The following ANK2 variants were observed in gnomAD, a reference collection of about 807,000 sequenced individuals.
ANK2 encodes ankyrin 2.
Under a neutral mutation model 360.5 loss-of-function variants are expected in ANK2, and 83 were observed. The observed-to-expected ratio is 0.23, with a 90% CI of 0.19 to 0.28. The LOEUF is 0.28. ANK2 is among the 10% of genes least tolerant of loss of function. The pLI is 1.00. For missense variants in ANK2, 4,201 were observed against 4,795.7 expected (o/e 0.88, Z 3.66); for synonymous variants, 1,740 against 1,759.5 (o/e 0.99, Z 0.28).
intron 1 of ANK2, chr4:113,117,379 A>G (rs1262467433): frequency 2.2e-6 from 1 of 456,252 alleles, no homozygotes; most frequent in Non-Finnish European, 4.4e-6. Flanking sequence ...GAAAAAAACA[A>G]CGGAAAATCC....
At chr4:113,139,457 G>T (rs1015137420) in intron 1 of ANK2, among the ~76,000 whole-genome samples, 2 of 152,096 alleles carry the variant, frequency 1.3e-5, no homozygotes, top group Non-Finnish European at 2.9e-5. Flanking sequence ...TTAATCACTT[G>T]ACCCTCTCTT....
chr4:113,017,823 C>G (rs942515127), intron 2 of ANK2, among the ~76,000 whole-genome samples: 10 of 152,148 alleles, frequency 6.6e-5, no homozygotes, highest in Non-Finnish European at 1.0e-4. Flanking sequence ...GGGATTCATA[C>G]CAATTACTCT....
At chr4:112,812,836 A>T in the ANK2 span, among the ~76,000 whole-genome samples, 1 of 152,182 alleles carries the variant, frequency 6.6e-6, no homozygotes, top group African/African-American at 2.4e-5. Flanking sequence ...TTTCTGCTAT[A>T]AGACAATGTG....
intron 2 of ANK2, among the ~76,000 whole-genome samples, chr4:113,025,830 T>C (rs1197922845): frequency 2.6e-5 from 4 of 152,144 alleles, no homozygotes; most frequent in Non-Finnish European, 5.9e-5. Flanking sequence ...GTATGGGTAG[T>C]ATAACTAATG....
chr4:112,935,162 GC>G (rs1388291066), intron 2 of ANK2, among the ~76,000 whole-genome samples: 1 of 151,868 alleles, frequency 6.6e-6, no homozygotes, highest in Non-Finnish European at 1.5e-5. Flanking sequence ...GCAGTTGGGT[GC>G]TAGAACACAT....
chr4:112,833,616 T>G (rs1026760719), intron 1 of ANK2, among the ~76,000 whole-genome samples: 8 of 152,000 alleles, frequency 5.3e-5, no homozygotes, highest in Non-Finnish European at 1.2e-4. Flanking sequence ...CCATTCTCCT[T>G]GCTCAGCCTC....
chr4:113,262,715 T>C (rs1225556680), intron 13 of ANK2, among the ~76,000 whole-genome samples: 2 of 152,108 alleles, frequency 1.3e-5, no homozygotes, highest in Non-Finnish European at 2.9e-5. Context: ...GCATTTACAT[T>C]GTGTTAGGTA....
chr4:112,974,362 A>G (rs1389046768), intron 2 of ANK2, among the ~76,000 whole-genome samples: 1 of 152,218 alleles, frequency 6.6e-6, no homozygotes, highest in Non-Finnish European at 1.5e-5. Flanking sequence ...AGTGAGAGGG[A>G]TTGAATCAAC....
At chr4:113,072,765 T>TTTG (rs142762570) in intron 1 of ANK2, among the ~76,000 whole-genome samples, 4,737 of 120,734 alleles carry the variant, frequency 0.039, 143 homozygotes, top group Non-Finnish European at 0.06. Flanking sequence ...TTTTTTTTTT[T>TTTG]GCTGTCTTGT....
intron 3 of ANK2, among the ~76,000 whole-genome samples, chr4:113,198,364 T>C (rs1032660369): frequency 1.3e-5 from 2 of 152,100 alleles, no homozygotes; most frequent in African/African-American, 2.4e-5. Flanking sequence ...TTGTTATTTA[T>C]TTTAATCACA....
In ANK2 at chr4:113,029,250, TG is replaced by T. The variant is rs545770936; in HGVS notation, c.21+124737del. 2.4e-3 allele frequency among the ~76,000 whole-genome samples: 370 copies of T among 152,192 alleles called. 2 individuals carry two copies. The highest frequency in any genetic ancestry group is 8.5e-3 in the African/African-American group (354 of 41,544). On this transcript the variant is annotated intron_variant, in intron 2 of 30. Coordinates refer to the ANK2 transcript ENST00000503271. ...ATTCGTTTTTTGTTTTTGTTTTTTTTGTTTTGGAAACAGGGCACTCTGTCAT... is the reference window on the plus strand; with the variant it reads ...ATTCGTTTTTTGTTTTTGTTTTTTTTTTTTGGAAACAGGGCACTCTGTCAT...
At chr4:112,754,466 A>AGTTGG in the ANK2 span, among the ~76,000 whole-genome samples, 136 of 150,524 alleles carry the variant, frequency 9.0e-4, no homozygotes, top group African/African-American at 3.2e-3. Flanking sequence ...TTGTGAGCTG[A>AGTTGG]GTTGGGTCCT....
intron 2 of ANK2, among the ~76,000 whole-genome samples, chr4:112,924,875 G>A (rs1387101987): frequency 8.3e-6 from 1 of 121,124 alleles, no homozygotes; most frequent in Non-Finnish European, 1.6e-5. Context: ...GTCTCGCTCT[G>A]TCGCCCAGGC....
At chr4:113,160,659 G>A (rs1235625969) in intron 1 of ANK2, among the ~76,000 whole-genome samples, 1 of 152,154 alleles carries the variant, frequency 6.6e-6, no homozygotes, top group South Asian at 2.1e-4. Flanking sequence ...GTCAGGTACT[G>A]TGCTGGACAG....
rs1158530849 is a variant in ANK2, at chr4:113,163,764, C to CAAAAAAAAAAAAAAAAAAAAAA, written c.85-10645_85-10624dup. On this transcript the variant is annotated intron_variant, in intron 1 of 45. Coordinates refer to ENST00000357077, the MANE Select transcript of ANK2 (RefSeq NM_001148.6). ...GGGCAACAAGAGTGAAACTTCGTCT[C>CAAAAAAAAAAAAAAAAAAAAAA]AAAAAAAAAAAAAAAAAAAAAAAAA... Among the ~76,000 whole-genome samples, 81 of 55,032 alleles carry CAAAAAAAAAAAAAAAAAAAAAA rather than the reference C, an allele frequency of 1.5e-3. 2 individuals are homozygous for CAAAAAAAAAAAAAAAAAAAAAA. The highest frequency in any genetic ancestry group is 2.5e-3 in the African/African-American group (44 of 17,738). 36.1% of individuals were successfully genotyped at this position (55,032 alleles called of 152,430 possible). A position where few individuals can be genotyped will look rare whatever the true frequency, so the allele number is the denominator to read the frequency against.
upstream of ANK2, among the ~76,000 whole-genome samples, chr4:113,048,934 A>T (rs2065747979): frequency 7.8e-6 from 1 of 127,850 alleles, no homozygotes; most frequent in East Asian, 2.5e-4. Flanking sequence ...ACACACACAC[A>T]CACACACACA....
intron 15 of ANK2, among the ~76,000 whole-genome samples, chr4:113,276,203 A>C (rs1007993752): frequency 1.2e-4 from 19 of 152,260 alleles, no homozygotes; most frequent in African/African-American, 4.6e-4. Flanking sequence ...GGCCTCCTAA[A>C]GTGCTGGGAT....
At chr4:113,186,137 C>T (rs1466784207) in intron 2 of ANK2, among the ~76,000 whole-genome samples, 1 of 152,182 alleles carries the variant, frequency 6.6e-6, no homozygotes, top group Non-Finnish European at 1.5e-5. Flanking sequence ...CTGACAGACA[C>T]CTCATACAGG....
chr4:112,914,505 C>G (rs775881483), intron 2 of ANK2, among the ~76,000 whole-genome samples: 2 of 152,166 alleles, frequency 1.3e-5, no homozygotes, highest in Non-Finnish European at 2.9e-5. Context: ...AGCCCGTAAT[C>G]CCAGCTACCC....
Sources: allele counts gnomAD v4.1 joint callset (sites outside exome capture counted in the v4.1 genomes callset), GRCh38; gene constraint gnomAD v4.1.1; transcripts MANE v1.5; gene names NCBI Gene and HGNC (gene_info 2026-07-23, HGNC 2026-07-21).